NEGR1: variants seen among roughly 807,000 people sequenced by gnomAD.
NEGR1 encodes neuronal growth regulator 1.
A neutral mutation model predicts 40.9 loss-of-function variants in NEGR1; 10 were observed. The ratio of observed to expected loss-of-function variants is 0.24; its 90% CI spans 0.15 to 0.42. NEGR1 has a LOEUF of 0.42. Among genes scored for constraint, NEGR1 ranks in the 10% least tolerant of loss-of-function variants. The pLI, the probability that NEGR1 is intolerant of heterozygous loss-of-function variation, is 1.00. For missense variants in NEGR1, 352 were observed against 438.9 expected (o/e 0.80, Z 1.77); for synonymous variants, 185 against 166.8 (o/e 1.11, Z -0.84).
At chr1:72,197,006 T>C (rs1011008922) in intron 1 of NEGR1, among the ~76,000 whole-genome samples, 3 of 152,020 alleles carry the variant, frequency 2.0e-5, no homozygotes, top group Non-Finnish European at 4.4e-5. Flanking sequence ...CAAAATTATC[T>C]AGCCTCTGAT....
chr1:72,092,611 G>C (rs1648542026), intron 1 of NEGR1, among the ~76,000 whole-genome samples: 1 of 152,070 alleles, frequency 6.6e-6, no homozygotes, highest in Non-Finnish European at 1.5e-5. Context: ...GAGATGAGCT[G>C]TTCTTCATTG....
intron 3 of NEGR1, among the ~76,000 whole-genome samples, chr1:71,700,040 G>A (rs567274957): frequency 2.0e-5 from 3 of 151,814 alleles, no homozygotes; most frequent in African/African-American, 4.8e-5. Flanking sequence ...GTGCGAAAGC[G>A]AACTAATACA....
intron 3 of NEGR1, among the ~76,000 whole-genome samples, chr1:71,744,355 A>G (rs570731178): frequency 3.4e-5 from 5 of 147,478 alleles, no homozygotes; most frequent in African/African-American, 1.2e-4. Context: ...TAATAATAAT[A>G]ATAATAATAA....
At chr1:72,085,986 AAAAAG>A (rs1160152015) in intron 1 of NEGR1, among the ~76,000 whole-genome samples, 3 of 151,154 alleles carry the variant, frequency 2.0e-5, no homozygotes, top group Non-Finnish European at 2.9e-5. Context: ...AAAAAAAAAA[AAAAAG>A]AGTGATTCCC....
In NEGR1 at chr1:71,907,655, T is replaced by C. The variant is rs748126261; in HGVS notation, c.409+27424A>G. On this transcript the variant is annotated intron_variant, in intron 2 of 6. Coordinates refer to ENST00000357731, the MANE Select transcript of NEGR1 (RefSeq NM_173808.3). ...CCCAGCAATCCTATTACCGAGTTTA[T>C]ATCTCAAAGAAAATAAATTGTTGTA... Among the ~76,000 whole-genome samples, 4 of 152,296 alleles carry C rather than the reference T, an allele frequency of 2.6e-5. No individual in the cohort carries two copies. The East Asian group carries it at 5.8e-4, about 22-fold the overall frequency.
Position 71,922,284 on chromosome 1 carries a change from C to T in NEGR1, c.409+12795G>A, listed in dbSNP as rs546847065. 4.9e-4 allele frequency among the ~76,000 whole-genome samples: 74 copies of T among 152,248 alleles called. 1 individual carries two copies. The highest frequency in any genetic ancestry group is 1.7e-3 in the African/African-American group (71 of 41,546). ...TCTCTTTCTCCAGTCTACAATCACT[C>T]TCTTGCCAGTATCTCCCATTGAGTG... On this transcript the variant is annotated intron_variant, in intron 2 of 6. Coordinates refer to ENST00000357731, the MANE Select transcript of NEGR1 (RefSeq NM_173808.3).
chr1:71,815,015 T>A (rs1392390408), intron 2 of NEGR1, among the ~76,000 whole-genome samples: 1 of 152,118 alleles, frequency 6.6e-6, no homozygotes. Flanking sequence ...CAGTTTGAGA[T>A]CTTTCTAGCT....
At chr1:71,976,428 G>T (rs907433529) in intron 1 of NEGR1, among the ~76,000 whole-genome samples, 2 of 152,160 alleles carry the variant, frequency 1.3e-5, no homozygotes, top group African/African-American at 2.4e-5. Flanking sequence ...TTTACTGGAA[G>T]ATTTCCTGTG....
At chr1:71,899,292 G>A (rs1420973980) in intron 2 of NEGR1, among the ~76,000 whole-genome samples, 1 of 151,918 alleles carries the variant, frequency 6.6e-6, no homozygotes, top group African/African-American at 2.4e-5. Context: ...TATGGTTAGA[G>A]TGGCACTAAA....
At chr1:71,854,538 T>C (rs1659703243) in intron 2 of NEGR1, among the ~76,000 whole-genome samples, 1 of 152,094 alleles carries the variant, frequency 6.6e-6, no homozygotes, top group Non-Finnish European at 1.5e-5. Context: ...ATTATAATCG[T>C]ATTAGTCCAC....
At chr1:72,125,184 ATC>A (rs1649964237) in intron 1 of NEGR1, among the ~76,000 whole-genome samples, 5 of 152,086 alleles carry the variant, frequency 3.3e-5, no homozygotes, top group South Asian at 2.1e-4. Flanking sequence ...CAAAGTTCGT[ATC>A]TATCTAAGAA....
chr1:71,741,471 C>A (rs1655211253), intron 3 of NEGR1, among the ~76,000 whole-genome samples: 1 of 152,122 alleles, frequency 6.6e-6, no homozygotes, highest in Non-Finnish European at 1.5e-5. Context: ...GTTGATCTTT[C>A]TGGAAAAACT....
intron 2 of NEGR1, among the ~76,000 whole-genome samples, chr1:71,929,081 T>C (rs1645829839): frequency 6.6e-6 from 1 of 152,068 alleles, no homozygotes; most frequent in Non-Finnish European, 1.5e-5. Context: ...AGCATTTTCT[T>C]ACAAGCAGAT....
chr1:71,822,386 A>T (rs1658462240), intron 2 of NEGR1, among the ~76,000 whole-genome samples: 1 of 152,066 alleles, frequency 6.6e-6, no homozygotes, highest in African/African-American at 2.4e-5. Context: ...AAAATGATCT[A>T]GCCAGCTACT....
intron 3 of NEGR1, among the ~76,000 whole-genome samples, chr1:71,758,964 C>T (rs1655838994): frequency 6.6e-6 from 1 of 152,138 alleles, no homozygotes; most frequent in African/African-American, 2.4e-5. Flanking sequence ...AAATGATCAG[C>T]ACAACTTGTA....
At chr1:71,937,070 C>G (rs1187842643) in intron 1 of NEGR1, among the ~76,000 whole-genome samples, 1 of 152,138 alleles carries the variant, frequency 6.6e-6, no homozygotes, top group African/African-American at 2.4e-5. Flanking sequence ...CTGAAAGCAA[C>G]AGGGTGGGCT....
chr1:71,468,838 T>A (rs1646763973), intron 6 of NEGR1: 1 of 152,032 alleles, frequency 6.6e-6, no homozygotes, highest in Admixed American at 6.6e-5. Context: ...CCATAACTCA[T>A]CAAAATTTCA....
chr1:72,273,827 T>C (rs911277539), intron 1 of NEGR1, among the ~76,000 whole-genome samples: 1 of 151,316 alleles, frequency 6.6e-6, no homozygotes, highest in African/African-American at 2.4e-5. Context: ...TGTTGATATA[T>C]GGATTTAAAA....
At chr1:72,247,634 G>A (rs1214167592) in intron 1 of NEGR1, among the ~76,000 whole-genome samples, 2 of 152,090 alleles carry the variant, frequency 1.3e-5, no homozygotes, top group East Asian at 3.9e-4. Context: ...ATTTCTATCA[G>A]CATTTTGGTC....
Sources: allele counts gnomAD v4.1 joint callset (sites outside exome capture counted in the v4.1 genomes callset), GRCh38; gene constraint gnomAD v4.1.1; transcripts MANE v1.5; gene names NCBI Gene and HGNC (gene_info 2026-07-23, HGNC 2026-07-21).